The following CHCHD6 variants were observed in gnomAD, a reference collection of about 807,000 sequenced individuals.
CHCHD6 encodes the protein coiled-coil-helix-coiled-coil-helix domain containing 6.
A neutral mutation model predicts 32.3 loss-of-function variants in CHCHD6; 28 were observed. That is an observed-to-expected ratio of 0.87 (90% CI 0.64 to 1.19). CHCHD6 has a LOEUF of 1.19. CHCHD6 is among the 50% of genes most tolerant of loss of function. The probability of loss-of-function intolerance (pLI) is 0.00; values close to 1 mark genes in which losing one functional copy is unlikely to be tolerated. For missense variants in CHCHD6, 333 were observed against 307.0 expected (o/e 1.08, Z -0.63); for synonymous variants, 122 against 117.5 (o/e 1.04, Z -0.25).
intron 4 of CHCHD6, among the ~76,000 whole-genome samples, chr3:126,754,653 A>G (rs1936876454): frequency 6.6e-6 from 1 of 152,172 alleles, no homozygotes; most frequent in Non-Finnish European, 1.5e-5. Context: ...TGTGCTCCTA[A>G]TTGGTTTTCA....
chr3:126,869,281 C>T (rs2077432242), intron 5 of CHCHD6, among the ~76,000 whole-genome samples: 1 of 146,882 alleles, frequency 6.8e-6, no homozygotes, highest in East Asian at 2.0e-4. Context: ...CTTTGCACAC[C>T]AGTCTCCTTT....
At chr3:126,773,602 C>CTTTTTTT (rs769256372) in intron 4 of CHCHD6, among the ~76,000 whole-genome samples, 58 of 89,938 alleles carry the variant, frequency 6.4e-4, no homozygotes, top group African/African-American at 8.3e-4. Flanking sequence ...TTCTGCTTTT[C>CTTTTTTT]TTTTTTTTTT....
intron 5 of CHCHD6, among the ~76,000 whole-genome samples, chr3:126,897,129 GGA>G (rs1243711452): frequency 1.3e-5 from 2 of 152,124 alleles, no homozygotes; most frequent in East Asian, 3.9e-4. Context: ...TGCTGTTCGG[GGA>G]GAGAGAGAGC....
At position 126,920,484 on chromosome 3, in the gene CHCHD6, C is replaced by T. The variant is rs1352490880; in HGVS notation, c.566+5734C>T. ...TCCAGGGTCCCTCTTTCTTGGTGAG[C>T]TCTAAACCACATTTTTGTTTTCTCG... On this transcript the variant is annotated intron_variant, in intron 6 of 7. Transcript: ENST00000290913. Among the ~76,000 whole-genome samples the T allele has an allele frequency of 2.6e-4, 39 of 152,144 alleles. 1 individual carries two copies. Among genetic ancestry groups the T allele is most frequent in the Admixed American group, 2.6e-3 (39 of 15,276 alleles).
At chr3:126,817,108 A>G (rs1939941077) in intron 4 of CHCHD6, among the ~76,000 whole-genome samples, 1 of 152,156 alleles carries the variant, frequency 6.6e-6, no homozygotes, top group African/African-American at 2.4e-5. Context: ...TTGTTTTGCA[A>G]GGGTAAGGAG....
chr3:126,714,862 G>A (rs1028516387), intron 1 of CHCHD6, among the ~76,000 whole-genome samples: 1 of 152,170 alleles, frequency 6.6e-6, no homozygotes. Flanking sequence ...TCCTCAGAGT[G>A]AGGACGATGA....
At chr3:126,847,654 C>A (rs1245404142) in intron 4 of CHCHD6, among the ~76,000 whole-genome samples, 1 of 152,140 alleles carries the variant, frequency 6.6e-6, no homozygotes, top group African/African-American at 2.4e-5. Context: ...TTGGAGGCCC[C>A]CTTCGTGTGC....
chr3:126,933,063 A>C (rs938624863), intron 6 of CHCHD6, among the ~76,000 whole-genome samples: 1 of 151,944 alleles, frequency 6.6e-6, no homozygotes, highest in Non-Finnish European at 1.5e-5. Flanking sequence ...CTATTACTGG[A>C]CTGACCCACG....
chr3:126,721,880 G>A (rs1216409810), intron 1 of CHCHD6, among the ~76,000 whole-genome samples: 2 of 152,092 alleles, frequency 1.3e-5, no homozygotes, highest in African/African-American at 2.4e-5. Flanking sequence ...CTTTCACTTA[G>A]CGTAGTGCTT....
intron 6 of CHCHD6, among the ~76,000 whole-genome samples, chr3:126,934,536 CTTTTTTTTT>C (rs386397861): frequency 1.9e-4 from 11 of 58,228 alleles, no homozygotes; most frequent in African/African-American, 2.9e-4. Flanking sequence ...CCCCTCTCTG[CTTTTTTTTT>C]TTTTTTTTTT....
At chr3:126,857,408 C>T (rs181926580) in intron 5 of CHCHD6, among the ~76,000 whole-genome samples, 8 of 152,292 alleles carry the variant, frequency 5.3e-5, no homozygotes, top group Admixed American at 2.6e-4. Flanking sequence ...TGAAGTCTTC[C>T]TCCCTGTACC....
At chr3:126,957,803 T>A in intron 7 of CHCHD6, 1 of 571,356 alleles carries the variant, frequency 1.8e-6, no homozygotes, top group Admixed American at 2.9e-5. Context: ...CCTATTAGGC[T>A]GGGTGGGAGC....
chr3:126,781,395 T>G (rs553625444), intron 4 of CHCHD6, among the ~76,000 whole-genome samples: 27 of 152,232 alleles, frequency 1.8e-4, no homozygotes, highest in Non-Finnish European at 3.8e-4. Context: ...GTGACAATAT[T>G]CATTCTTGCC....
intron 4 of CHCHD6, among the ~76,000 whole-genome samples, chr3:126,789,966 T>C (rs1938441672): frequency 1.3e-5 from 2 of 152,224 alleles, no homozygotes; most frequent in Admixed American, 1.3e-4. Context: ...TTGCTACTAG[T>C]TGTTCCTTTC....
chr3:126,857,856 G>A (rs139544452), intron 5 of CHCHD6, among the ~76,000 whole-genome samples: 2 of 152,350 alleles, frequency 1.3e-5, no homozygotes, highest in African/African-American at 2.4e-5. Flanking sequence ...CATTGGTGGA[G>A]TGTAAGTTGG....
intron 4 of CHCHD6, among the ~76,000 whole-genome samples, chr3:126,773,890 G>C (rs1490573316): frequency 6.6e-6 from 1 of 152,134 alleles, no homozygotes; most frequent in Non-Finnish European, 1.5e-5. Context: ...ATAGGTGTGA[G>C]CCACTGTGCC....
rs147438788 is a variant in CHCHD6, at chr3:126,793,819, T to A, written c.412-58828T>A. On this transcript the variant is annotated intron_variant, in intron 4 of 7. Coordinates refer to ENST00000290913, the MANE Select transcript of CHCHD6 (RefSeq NM_032343.3). ...ACAGATAGATTCCTTTCATTTTCCTTCACTAAGTCTTTACTTTTCTTTCTG... is the reference window on the plus strand; with the variant it reads ...ACAGATAGATTCCTTTCATTTTCCTACACTAAGTCTTTACTTTTCTTTCTG... Among the ~76,000 whole-genome samples the A allele has an allele frequency of 3.2e-3, 482 of 152,262 alleles. 3 individuals are homozygous for A. Among genetic ancestry groups the A allele is most frequent in the African/African-American group, 0.011 (463 of 41,564 alleles).
intron 6 of CHCHD6, among the ~76,000 whole-genome samples, chr3:126,930,965 G>A (rs2078395441): frequency 1.3e-5 from 2 of 152,216 alleles, no homozygotes; most frequent in Non-Finnish European, 2.9e-5. Flanking sequence ...ATCTGCCAAA[G>A]GCCCCCAGCC....
At chr3:126,752,595 C>T (rs1276933098) in intron 4 of CHCHD6, among the ~76,000 whole-genome samples, 1 of 152,250 alleles carries the variant, frequency 6.6e-6, no homozygotes, top group Admixed American at 6.5e-5. Flanking sequence ...TCTTTCATCT[C>T]CTGCCCTCTT....
Sources: gnomAD v4.1 joint callset for allele counts (sites outside exome capture counted in the v4.1 genomes callset) on GRCh38, gnomAD v4.1.1 for gene constraint, MANE v1.5 for transcripts, NCBI Gene and HGNC (gene_info 2026-07-23, HGNC 2026-07-21) for gene names.